Variants in PPP1R12B observed in about 807,000 individuals in gnomAD.
PPP1R12B encodes the protein protein phosphatase 1 regulatory subunit 12B.
In PPP1R12B, 76 loss-of-function variants were observed where a neutral mutation model predicts 126.1. The ratio of observed to expected loss-of-function variants is 0.60; its 90% CI spans 0.50 to 0.73. The LOEUF is 0.73. Ranked by LOEUF, PPP1R12B falls within the 30% of genes least tolerant of loss-of-function variation. The pLI, the probability that PPP1R12B is intolerant of heterozygous loss-of-function variation, is 0.00. For missense variants in PPP1R12B, 1,052 were observed against 1,205.1 expected, an observed-to-expected ratio of 0.87 and a Z score of 1.88; for synonymous variants, 356 against 434.7, an observed-to-expected ratio of 0.82 and a Z score of 2.25.
intron 18 of PPP1R12B, among the ~76,000 whole-genome samples, chr1:202,537,783 T>C (rs937393690): frequency 6.6e-6 from 1 of 152,192 alleles, no homozygotes; most frequent in African/African-American, 2.4e-5. Flanking sequence ...TCATTCAACA[T>C]ATCAAAAAAG....
chr1:202,438,319 C>A, intron 10 of PPP1R12B: 1 of 1,403,688 alleles, frequency 7.1e-7, no homozygotes, highest in Non-Finnish European at 9.7e-7. Context: ...ATAAAAATTT[C>A]AGTATGGCGG....
chr1:202,439,080 C>T, intron 10 of PPP1R12B: 1 of 1,434,594 alleles, frequency 7.0e-7, no homozygotes, highest in South Asian at 1.1e-5. Context: ...GCCATCAAGA[C>T]CATCACCTCC....
intron 23 of PPP1R12B, among the ~76,000 whole-genome samples, chr1:202,569,484 G>C (rs1383146671): frequency 6.6e-6 from 1 of 152,074 alleles, no homozygotes; most frequent in African/African-American, 2.4e-5. Flanking sequence ...TAACTTTTAA[G>C]GCTTTTCAAG....
chr1:202,471,577 T>G (rs1467184694), intron 13 of PPP1R12B, among the ~76,000 whole-genome samples: 2 of 30,122 alleles, frequency 6.6e-5, no homozygotes, highest in Non-Finnish European at 2.3e-4. Flanking sequence ...CTTAAAATGT[T>G]TTTTTTTTTT....
At chr1:202,553,449 C>T (rs966657865) in intron 18 of PPP1R12B, among the ~76,000 whole-genome samples, 2 of 152,132 alleles carry the variant, frequency 1.3e-5, no homozygotes, top group African/African-American at 2.4e-5. Context: ...CTAAGACTTC[C>T]AGATTAGAGC....
intron 13 of PPP1R12B, among the ~76,000 whole-genome samples, chr1:202,451,163 T>G (rs1672871788): frequency 6.6e-6 from 1 of 151,722 alleles, no homozygotes; most frequent in Non-Finnish European, 1.5e-5. Context: ...ATTTATTTAT[T>G]TTTTATTTTT....
intron 23 of PPP1R12B, among the ~76,000 whole-genome samples, chr1:202,577,433 C>T (rs907641510): frequency 3.3e-5 from 5 of 152,176 alleles, no homozygotes; most frequent in East Asian, 3.8e-4. Context: ...GGAGTAGCAA[C>T]AGAGACTGTT....
intron 13 of PPP1R12B, among the ~76,000 whole-genome samples, chr1:202,487,001 T>C (rs1056146518): frequency 5.3e-5 from 8 of 152,192 alleles, no homozygotes; most frequent in African/African-American, 1.9e-4. Flanking sequence ...GGGAAAATTA[T>C]AAGCCAATTT....
At chr1:202,555,532 T>C (rs1686837035) in intron 18 of PPP1R12B, among the ~76,000 whole-genome samples, 3 of 149,310 alleles carry the variant, frequency 2.0e-5, no homozygotes, top group Admixed American at 1.3e-4. Flanking sequence ...CAAAAAAGCA[T>C]GATTTAATTG....
intron 1 of PPP1R12B, among the ~76,000 whole-genome samples, chr1:202,401,510 T>C (rs1018678573): frequency 1.1e-4 from 16 of 150,676 alleles, no homozygotes; most frequent in African/African-American, 3.9e-4. Context: ...AGAGAAAGTT[T>C]GCTCTAAATC....
At chr1:202,431,387 TA>T in intron 7 of PPP1R12B, 92 bp from the exon 8 acceptor site, 1 of 1,023,402 alleles carries the variant, frequency 9.8e-7, no homozygotes, top group Middle Eastern at 3.3e-4. Context: ...ATGTTTCTGT[TA>T]TTGCTTCCAC....
At chr1:202,436,126 G>A (rs1014516035) in intron 9 of PPP1R12B, among the ~76,000 whole-genome samples, 1 of 151,940 alleles carries the variant, frequency 6.6e-6, no homozygotes, top group Non-Finnish European at 1.5e-5. Flanking sequence ...CAGGCATGGT[G>A]GCACACACCT....
chr1:202,384,322 G>A (rs532450847), intron 1 of PPP1R12B, among the ~76,000 whole-genome samples: 17 of 152,134 alleles, frequency 1.1e-4, no homozygotes, highest in Non-Finnish European at 2.2e-4. Flanking sequence ...ACTGATGAAC[G>A]AATATGCAAA....
Position 202,584,097 on chromosome 1 carries a change from C to G in PPP1R12B, c.*3537C>G, listed in dbSNP as rs897135726. The G allele has an allele frequency of 6.6e-6, 1 of 152,138 alleles. No homozygotes were observed. Among genetic ancestry groups the G allele is most frequent in the Non-Finnish European group, 1.5e-5 (1 of 68,032 alleles). 9.4% of individuals were successfully genotyped at this position (152,138 alleles called of 1,614,324 possible). ...GGGTTATGCAAATCTCAGGGTGTTG[C>G]CTCTAAAGAATCTAAAGAATAGACA... is the stretch of plus-strand genomic sequence containing the variant. On this transcript the variant is annotated 3_prime_UTR_variant, in exon 24 of 24. Transcript: ENST00000608999.
At chr1:202,473,744 TCTC>T (rs1348794187) in intron 13 of PPP1R12B, among the ~76,000 whole-genome samples, 2 of 152,172 alleles carry the variant, frequency 1.3e-5, no homozygotes, top group Non-Finnish European at 2.9e-5. Flanking sequence ...TCCCCTTCCT[TCTC>T]CTCCTCCTTA....
intron 13 of PPP1R12B, among the ~76,000 whole-genome samples, chr1:202,456,409 G>T (rs1214221745): frequency 3.9e-5 from 6 of 152,150 alleles, no homozygotes; most frequent in African/African-American, 1.4e-4. Context: ...GTTGAATTCA[G>T]AAGAATAATA....
At chr1:202,510,755 G>T (rs563617946) in intron 18 of PPP1R12B, among the ~76,000 whole-genome samples, 1 of 151,636 alleles carries the variant, frequency 6.6e-6, no homozygotes, top group East Asian at 1.9e-4. Context: ...ATGCAAAAAT[G>T]TACAAGGTAG....
rs915617529 is a variant in PPP1R12B, at chr1:202,539,980, T to C, written c.2491-18897T>C. ...TGGGGACTGGTTCAGAGCTCAAGAC[T>C]ATAATTTACAGGGCTGCTTTTATCC... On this transcript the variant is annotated intron_variant, in intron 18 of 23. Transcript: ENST00000608999. 218 of 1,209,076 alleles carry C rather than the reference T, an allele frequency of 1.8e-4. 1 individual carries two copies. The highest frequency in any genetic ancestry group is 2.2e-4 in the Non-Finnish European group (203 of 931,232). The allele number at this position is 1,209,076 out of a possible 1,614,324, so 74.9% of individuals were successfully genotyped here.
chr1:202,555,324 T>TTAAAAAAAAAA (rs1686776254), intron 18 of PPP1R12B, among the ~76,000 whole-genome samples: 1 of 5,010 alleles, frequency 2.0e-4, no homozygotes, highest in Admixed American at 4.4e-3. Context: ...CCTGTTTTAA[T>TTAAAAAAAAAA]GAAAAAAAAA....
Sources: allele counts gnomAD v4.1 joint callset (sites outside exome capture counted in the v4.1 genomes callset), GRCh38; gene constraint gnomAD v4.1.1; transcripts MANE v1.5; gene names NCBI Gene and HGNC (gene_info 2026-07-23, HGNC 2026-07-21).